The following ZCWPW2 variants were observed in gnomAD, a reference collection of about 807,000 sequenced individuals.
ZCWPW2 encodes the protein zinc finger CW-type PWWP domain protein 2.
ZCWPW2 carries 45 observed loss-of-function variants against 46.6 expected under a neutral mutation model. The observed-to-expected ratio is 0.96, with a 90% CI of 0.76 to 1.24. The LOEUF (loss-of-function observed/expected upper bound fraction) is 1.24, where lower values mean the gene tolerates loss of function less well. Ranked by LOEUF, ZCWPW2 falls within the 50% of genes most tolerant of loss-of-function variation. The pLI, the probability that ZCWPW2 is intolerant of heterozygous loss-of-function variation, is 0.00. For missense variants in ZCWPW2, 429 were observed against 403.9 expected, an observed-to-expected ratio of 1.06 and a Z score of -0.53; for synonymous variants, 152 against 137.1, an observed-to-expected ratio of 1.11 and a Z score of -0.76.
intron 4 of ZCWPW2, among the ~76,000 whole-genome samples, chr3:28,464,448 C>T (rs1459678618): frequency 3.3e-5 from 5 of 152,084 alleles, no homozygotes; most frequent in African/African-American, 1.2e-4. Context: ...TTGTTCCTCT[C>T]GAGGAAGTTG....
chr3:28,381,684 G>A (rs1695112967), intron 1 of ZCWPW2, among the ~76,000 whole-genome samples: 1 of 152,150 alleles, frequency 6.6e-6, no homozygotes, highest in Non-Finnish European at 1.5e-5. Context: ...CTAGTCAGGA[G>A]GCTGAGTGGG....
chr3:28,505,884 CT>C (rs1443955857), intron 6 of ZCWPW2, among the ~76,000 whole-genome samples: 1 of 151,738 alleles, frequency 6.6e-6, no homozygotes, highest in African/African-American at 2.4e-5. Flanking sequence ...CAGACTCATT[CT>C]TTTTGTTTAA....
intron 1 of ZCWPW2, among the ~76,000 whole-genome samples, chr3:28,372,272 C>T (rs894540972): frequency 9.9e-5 from 15 of 151,862 alleles, no homozygotes; most frequent in Admixed American, 8.5e-4. Context: ...ATTCACTTAG[C>T]CATAATATTA....
intron 1 of ZCWPW2, among the ~76,000 whole-genome samples, chr3:28,380,862 T>TCTC (rs1158430288): frequency 6.8e-6 from 1 of 146,840 alleles, no homozygotes; most frequent in African/African-American, 2.5e-5. Flanking sequence ...ACAAGTCTAT[T>TCTC]CTCTACCTAA....
intron 5 of ZCWPW2, among the ~76,000 whole-genome samples, chr3:28,482,141 C>T (rs1347693416): frequency 1.3e-5 from 2 of 151,976 alleles, no homozygotes; most frequent in Non-Finnish European, 2.9e-5. Flanking sequence ...CTTTGTGTTC[C>T]AGCTGTTTGT....
intron 2 of ZCWPW2, among the ~76,000 whole-genome samples, chr3:28,405,062 A>G (rs1379309520): frequency 6.6e-6 from 1 of 152,234 alleles, no homozygotes; most frequent in Non-Finnish European, 1.5e-5. Context: ...ATTTAGACAT[A>G]TATTCTTATC....
At chr3:28,514,897 C>A (rs1272448378) in intron 7 of ZCWPW2, among the ~76,000 whole-genome samples, 1 of 152,042 alleles carries the variant, frequency 6.6e-6, no homozygotes, top group Non-Finnish European at 1.5e-5. Flanking sequence ...GGACTGACAC[C>A]AATAGGTAGC....
chr3:28,479,257 G>A (rs1202319255), intron 5 of ZCWPW2, among the ~76,000 whole-genome samples: 3 of 152,068 alleles, frequency 2.0e-5, no homozygotes, highest in Non-Finnish European at 4.4e-5. Context: ...GGGAACCATA[G>A]CTTTAAATAT....
At chr3:28,493,216 G>A (rs1273567898) in intron 6 of ZCWPW2, among the ~76,000 whole-genome samples, 2 of 129,004 alleles carry the variant, frequency 1.6e-5, no homozygotes, top group East Asian at 2.4e-4. Flanking sequence ...AGTTACATAT[G>A]TATACATGTG....
intron 4 of ZCWPW2, among the ~76,000 whole-genome samples, chr3:28,458,833 C>T (rs1397810628): frequency 6.6e-6 from 1 of 152,140 alleles, no homozygotes; most frequent in East Asian, 1.9e-4. Context: ...AAGGTCTTTT[C>T]GTCATGCTTA....
chr3:28,503,484 T>G (rs543541336), intron 6 of ZCWPW2, among the ~76,000 whole-genome samples: 6 of 152,228 alleles, frequency 3.9e-5, no homozygotes, highest in African/African-American at 1.4e-4. Flanking sequence ...ATCATCATCT[T>G]CACTCCATTC....
chr3:28,468,518 T>C (rs1468660455), intron 4 of ZCWPW2, among the ~76,000 whole-genome samples: 1 of 152,042 alleles, frequency 6.6e-6, no homozygotes, highest in Non-Finnish European at 1.5e-5. Flanking sequence ...GGGCATTTAA[T>C]AATCAAACTT....
intron 4 of ZCWPW2, among the ~76,000 whole-genome samples, chr3:28,444,585 T>G (rs539541672): frequency 6.6e-6 from 1 of 152,082 alleles, no homozygotes; most frequent in Non-Finnish European, 1.5e-5. Context: ...ACTTTTAGAG[T>G]AGACACCTGG....
intron 1 of ZCWPW2, among the ~76,000 whole-genome samples, chr3:28,385,082 T>C (rs1198112102): frequency 1.3e-5 from 2 of 152,272 alleles, no homozygotes; most frequent in Non-Finnish European, 2.9e-5. Flanking sequence ...GTTGAATTTC[T>C]CATGCTTTTG....
chr3:28,476,448 C>T (rs999436660), intron 4 of ZCWPW2, among the ~76,000 whole-genome samples: 2 of 152,058 alleles, frequency 1.3e-5, no homozygotes, highest in African/African-American at 4.8e-5. Context: ...TTAAAACAAA[C>T]CTTTTCAGTT....
chr3:28,472,047 C>T (rs1699056042), intron 4 of ZCWPW2, among the ~76,000 whole-genome samples: 1 of 152,004 alleles, frequency 6.6e-6, no homozygotes, highest in Non-Finnish European at 1.5e-5. Context: ...ACAATGAAAA[C>T]TGTAAAACAT....
At chr3:28,448,940 C>T (rs909760445) in intron 4 of ZCWPW2, among the ~76,000 whole-genome samples, 1 of 150,348 alleles carries the variant, frequency 6.7e-6, no homozygotes, top group African/African-American at 2.4e-5. Context: ...TATTTGGAAT[C>T]TCAAGGGACC....
At chr3:28,426,009 T>C (rs1696992786) in intron 3 of ZCWPW2, among the ~76,000 whole-genome samples, 1 of 152,064 alleles carries the variant, frequency 6.6e-6, no homozygotes, top group Non-Finnish European at 1.5e-5. Flanking sequence ...CTCTGGAGGC[T>C]GAGGCAGGAG....
At chr3:28,425,017 A>T (rs1279026733) in intron 3 of ZCWPW2, among the ~76,000 whole-genome samples, 1 of 152,208 alleles carries the variant, frequency 6.6e-6, no homozygotes, top group East Asian at 1.9e-4. Context: ...TGAAGTTTTA[A>T]TTCTAACTCA....
Sources: allele counts gnomAD v4.1 joint callset (sites outside exome capture counted in the v4.1 genomes callset), GRCh38; gene constraint gnomAD v4.1.1; transcripts MANE v1.5; gene names NCBI Gene and HGNC (gene_info 2026-07-23, HGNC 2026-07-21).